CNIH4: variants seen among roughly 807,000 people sequenced by gnomAD.
CNIH4 encodes cornichon family member 4.
In CNIH4, 9 loss-of-function variants were observed where a neutral mutation model predicts 21.5. That is an observed-to-expected ratio of 0.42 (90% CI 0.25 to 0.73). The LOEUF is 0.73. Ranked by LOEUF, CNIH4 falls within the 30% of genes least tolerant of loss-of-function variation. The probability of loss-of-function intolerance (pLI) is 0.27; values close to 1 mark genes in which losing one functional copy is unlikely to be tolerated. For synonymous variants in CNIH4, 67 were observed against 59.1 expected (o/e 1.13, Z -0.61); for missense variants, 159 against 170.0 (o/e 0.94, Z 0.36).
chr1:224,364,175 C>T, intron 2 of CNIH4: 1 of 981,504 alleles, frequency 1.0e-6, no homozygotes, highest in Non-Finnish European at 1.2e-6. Context: ...ATCACTTGAG[C>T]CCAGCGGTTC....
At chr1:224,369,069 A>G (rs894331726) in intron 3 of CNIH4, among the ~76,000 whole-genome samples, 2 of 152,108 alleles carry the variant, frequency 1.3e-5, no homozygotes, top group Admixed American at 6.5e-5. Context: ...GAATCATACC[A>G]CAGCTCTCAG....
Position 224,375,907 on chromosome 1 carries a change from G to A in CNIH4, c.*85G>A, listed in dbSNP as rs371708713. 467 of 1,563,060 alleles carry A rather than the reference G, an allele frequency of 3.0e-4. 9 individuals carry two copies. In the South Asian group the frequency reaches 4.6e-3, roughly 15 times the overall value. On this transcript the variant is annotated 3_prime_UTR_variant, in exon 5 of 5. Coordinates refer to ENST00000465271, the MANE Select transcript of CNIH4 (RefSeq NM_014184.4). ...GACTTCTTAAATCATCCTTAGAACC[G>A]TGACCATAGCAGTATATATTTTCCT...
upstream of CNIH4, chr1:224,356,825 G>A (rs1408340965): frequency 2.1e-6 from 2 of 967,620 alleles, no homozygotes; most frequent in Non-Finnish European, 3.2e-6. Flanking sequence ...CAGGATTCGA[G>A]GACCACACGC....
chr1:224,357,473 C>T (rs562603666), intron 1 of CNIH4: 178 of 154,572 alleles, frequency 1.2e-3, no homozygotes, highest in Non-Finnish European at 1.3e-3. Context: ...CCATTTGCCT[C>T]CTCCTGTTCC....
intron 2 of CNIH4, among the ~76,000 whole-genome samples, chr1:224,361,181 T>A (rs1179400877): frequency 1.3e-5 from 2 of 149,492 alleles, no homozygotes; most frequent in Non-Finnish European, 3.0e-5. Flanking sequence ...AGTGGTGTGA[T>A]CTGGACTCAC....
intron 2 of CNIH4, among the ~76,000 whole-genome samples, chr1:224,363,284 T>A (rs1572122298): frequency 6.6e-6 from 1 of 151,934 alleles, no homozygotes; most frequent in Non-Finnish European, 1.5e-5. Flanking sequence ...CATCAGGTGA[T>A]CTGCTCTCCT....
intron 3 of CNIH4, among the ~76,000 whole-genome samples, chr1:224,368,896 T>G (rs1351592661): frequency 7.0e-6 from 1 of 142,598 alleles, no homozygotes; most frequent in Admixed American, 7.5e-5. Flanking sequence ...GCCAACACTT[T>G]TTACTGTGTG....
intron 3 of CNIH4, among the ~76,000 whole-genome samples, chr1:224,368,783 A>C (rs963355146): frequency 1.3e-5 from 2 of 152,060 alleles, no homozygotes; most frequent in African/African-American, 4.8e-5. Flanking sequence ...CAGCCACCCA[A>C]CGTGTTGGGA....
chr1:224,365,753 G>C, intron 2 of CNIH4, 126 bp from the exon 3 acceptor site: 1 of 699,580 alleles, frequency 1.4e-6, no homozygotes, highest in South Asian at 1.6e-5. Flanking sequence ...GGACATGGGA[G>C]TCTAAAAATA....
At chr1:224,364,509 C>A in intron 2 of CNIH4, 2 of 412,484 alleles carry the variant, frequency 4.8e-6, no homozygotes, top group Non-Finnish European at 6.5e-6. Context: ...GAGAGGGTAA[C>A]TTTTCCCAAG....
At chr1:224,362,576 A>G (rs146769924) in intron 2 of CNIH4, among the ~76,000 whole-genome samples, 202 of 133,652 alleles carry the variant, frequency 1.5e-3, no homozygotes, top group Non-Finnish European at 2.4e-3. Flanking sequence ...TGCAAGCTCT[A>G]CCTCCCCGGT....
intron 2 of CNIH4, among the ~76,000 whole-genome samples, chr1:224,363,571 C>T (rs371978278): frequency 2.0e-5 from 3 of 152,118 alleles, no homozygotes; most frequent in Admixed American, 6.5e-5. Flanking sequence ...GCAATCCTCC[C>T]GCCTTAGTGT....
At chr1:224,373,523 C>T (rs767155456) in intron 4 of CNIH4, among the ~76,000 whole-genome samples, 7 of 151,790 alleles carry the variant, frequency 4.6e-5, no homozygotes, top group Admixed American at 2.6e-4. Context: ...AACTCTTAGT[C>T]GTAGAATTTA....
In CNIH4 at chr1:224,375,927, T is replaced by C; in HGVS notation, c.*105T>C. 1 of 1,438,758 alleles carries C rather than the reference T, an allele frequency of 7.0e-7. No individual in the cohort carries two copies. Among genetic ancestry groups the C allele is most frequent in the South Asian group, 1.6e-5 (1 of 61,554 alleles). The allele number at this position is 1,438,758 out of a possible 1,614,324, so 89.1% of individuals were successfully genotyped here. ...GAACCGTGACCATAGCAGTATATAT[T>C]TTCCTCTTGGAACAAAAAACTATTT... On this transcript the variant is annotated 3_prime_UTR_variant, in exon 5 of 5. Coordinates refer to ENST00000465271, the MANE Select transcript of CNIH4 (RefSeq NM_014184.4).
chr1:224,366,052 T>G, intron 3 of CNIH4, 61 bp downstream of exon 3: 2 of 1,090,962 alleles, frequency 1.8e-6, no homozygotes, highest in Non-Finnish European at 2.8e-6. Context: ...AAAAGTTGTG[T>G]TTTTTTCAAG....
At position 224,374,207 on chromosome 1, in the gene CNIH4, T is replaced by C. The variant is rs1025956550; in HGVS notation, c.393-1588T>C. On this transcript the variant is annotated intron_variant, in intron 4 of 4. Transcript: ENST00000465271. The stretch of plus-strand genomic sequence containing the variant: ...TTGCAGAGATTTTATGCTACTTGTC[T>C]TTGTATCTAACATCTGCCACACCTT... 4.6e-5 allele frequency among the ~76,000 whole-genome samples: 7 copies of C among 152,256 alleles called. 1 individual carries two copies. The South Asian group carries it at 1.0e-3, about 22-fold the overall frequency.
chr1:224,376,175 C>T lies in CNIH4; in HGVS notation c.*353C>T. 1 of 1,021,274 alleles carries T rather than the reference C, an allele frequency of 9.8e-7. No individual in the cohort carries two copies. The highest frequency in any genetic ancestry group is 1.2e-6 in the Non-Finnish European group (1 of 853,558). The allele number at this position is 1,021,274 out of a possible 1,614,324, so 63.3% of individuals were successfully genotyped here. A position where few individuals can be genotyped will look rare whatever the true frequency, so the allele number is the denominator to read the frequency against. On this transcript the variant is annotated 3_prime_UTR_variant, in exon 5 of 5. Transcript: ENST00000465271. ...AGGGCAAACTGAAGAGATGAGCGAG[C>T]AAAGGTGCCCTTCAGGTCTACTGAA...
chr1:224,363,801 G>T (rs1367076464), intron 2 of CNIH4, among the ~76,000 whole-genome samples: 1 of 152,094 alleles, frequency 6.6e-6, no homozygotes, highest in East Asian at 1.9e-4. Flanking sequence ...CTCATTGAAA[G>T]CTCTTTGGAT....
rs557593103 is a variant in CNIH4 at position 224,358,480 on chromosome 1, C to G, written c.69+1487C>G. On this transcript the variant is annotated intron_variant, in intron 1 of 4. Transcript: ENST00000465271. The stretch of plus-strand genomic sequence containing the variant: ...ATATAAGGAACTAGAGCAAGCTTGT[C>G]CAACCCACGGCCCACGGGCTGCATG... 3.3e-5 allele frequency among the ~76,000 whole-genome samples: 5 copies of G among 152,346 alleles called. No homozygotes were observed. In the South Asian group the frequency reaches 8.3e-4, roughly 25 times the overall value.
Sources: gnomAD v4.1 joint callset for allele counts (sites outside exome capture counted in the v4.1 genomes callset) on GRCh38, gnomAD v4.1.1 for gene constraint, MANE v1.5 for transcripts, NCBI Gene and HGNC (gene_info 2026-07-23, HGNC 2026-07-21) for gene names.